Variants in CSNK2A1 observed in about 807,000 individuals in gnomAD.
CSNK2A1 encodes casein kinase 2 alpha 1, also known as casein kinase II subunit alpha.
In CSNK2A1, 10 loss-of-function variants were observed where a neutral mutation model predicts 62.9. The observed-to-expected ratio is 0.16, with a 90% CI of 0.10 to 0.27. The LOEUF (loss-of-function observed/expected upper bound fraction) is 0.27. Among genes scored for constraint, CSNK2A1 ranks in the 10% least tolerant of loss-of-function variants. The pLI, the probability that CSNK2A1 is intolerant of heterozygous loss-of-function variation, is 1.00. For missense variants in CSNK2A1, 160 were observed against 492.0 expected, an observed-to-expected ratio of 0.33 and a Z score of 6.38; for synonymous variants, 124 against 167.8, an observed-to-expected ratio of 0.74 and a Z score of 2.02.
At chr20:530,470 T>C (rs1428792936) in intron 1 of CSNK2A1, among the ~76,000 whole-genome samples, 3 of 143,792 alleles carry the variant, frequency 2.1e-5, no homozygotes, top group Non-Finnish European at 4.6e-5. Context: ...TTTTTTTCCT[T>C]TTTTTTTTTT....
At chr20:506,386 G>A (rs929356796) in intron 3 of CSNK2A1, 8 of 152,236 alleles carry the variant, frequency 5.3e-5, no homozygotes, top group Non-Finnish European at 7.3e-5. Context: ...TAGTCCATGC[G>A]TAGTACGAAG....
intron 1 of CSNK2A1, among the ~76,000 whole-genome samples, chr20:532,394 G>A (rs2019232582): frequency 6.7e-6 from 1 of 149,476 alleles, no homozygotes; most frequent in African/African-American, 2.5e-5. Flanking sequence ...GGCCAGGATG[G>A]TCTTGAACTC....
intron 9 of CSNK2A1, 28 bp downstream of exon 9, chr20:492,226 A>G (rs1568507644): frequency 6.3e-7 from 1 of 1,594,012 alleles, no homozygotes; most frequent in East Asian, 2.2e-5. Context: ...ACACAGGATC[A>G]AAACTGTGCC....
chr20:483,767 T>C lies in CSNK2A1; in HGVS notation c.*194A>G, dbSNP rs1462966961. On this transcript the variant is annotated 3_prime_UTR_variant, in exon 14 of 14. Transcript: ENST00000217244. The stretch of plus-strand genomic sequence containing the variant: ...CCCCTGAGTTATGAAAAGTTCGAGT[T>C]AAAAAAAAAAAGAAAAAAGAAAATC... 1 of 299,976 alleles carries C rather than the reference T, an allele frequency of 3.3e-6. No individual in the cohort carries two copies. The highest frequency in any genetic ancestry group is 5.9e-6 in the Non-Finnish European group (1 of 169,406). The allele number at this position is 299,976 out of a possible 1,614,324, so 18.6% of individuals were successfully genotyped here.
intron 2 of CSNK2A1, among the ~76,000 whole-genome samples, chr20:524,177 A>G (rs1225397373): frequency 1.3e-5 from 2 of 151,906 alleles, no homozygotes; most frequent in Non-Finnish European, 2.9e-5. Context: ...TAATCCCAGC[A>G]CTTTGGGAGG....
chr20:497,997 G>A lies in CSNK2A1; in HGVS notation c.367-217C>T, dbSNP rs115870507. 6.4e-3 allele frequency: 3,018 copies of A among 475,208 alleles called. 69 individuals are homozygous for A. Among genetic ancestry groups the A allele is most frequent in the African/African-American group, 0.053 (2,687 of 50,760 alleles). 29.4% of individuals were successfully genotyped at this position (475,208 alleles called of 1,614,324 possible). A position where few individuals can be genotyped will look rare whatever the true frequency, so the allele number is the denominator to read the frequency against. ...GAAGAATTACTTAAACATATATTGC[G>A]GAAGCTATAATCCACTGTCAGAAAC... On this transcript the variant is annotated intron_variant, in intron 6 of 13. Transcript: ENST00000217244.
intron 11 of CSNK2A1, 93 bp downstream of exon 11, chr20:488,585 C>T: frequency 7.7e-7 from 1 of 1,299,796 alleles, no homozygotes; most frequent in Non-Finnish European, 1.1e-6. Context: ...ACAGTGCTGG[C>T]AAAGAAAACA....
At position 473,354 on chromosome 20, in the gene CSNK2A1, G is replaced by C. The variant is rs981828699; in HGVS notation, c.*10607C>G. 1.3e-5 allele frequency: 2 copies of C among 152,532 alleles called. No homozygotes were observed. Among genetic ancestry groups the C allele is most frequent in the African/African-American group, 4.8e-5 (2 of 41,450 alleles). 9.4% of individuals were successfully genotyped at this position (152,532 alleles called of 1,614,324 possible). A position where few individuals can be genotyped will look rare whatever the true frequency, so the allele number is the denominator to read the frequency against. On this transcript the variant is annotated 3_prime_UTR_variant, in exon 14 of 14. Coordinates refer to ENST00000217244, the MANE Select transcript of CSNK2A1 (RefSeq NM_177559.3). ...CAGGCCCTTTGTGTCTCTGATTTTG[G>C]GGTTATGTCCTCCTTAGTGCTCCTG...
Position 499,170 on chromosome 20 carries a change from A to C in CSNK2A1, c.366+85T>G. On this transcript the variant is annotated intron_variant, in intron 6 of 13. Transcript: ENST00000217244. The surrounding 1 kb of genome is among the most constrained non-coding windows in gnomAD (Gnocchi z 4.2). ...GAAAAGCTTTTTAAAAACAAATGCG[A>C]AGCAAGCTCTTCTAACAGCATCATC... The C allele has an allele frequency of 2.5e-6, 3 of 1,199,266 alleles. No homozygotes were observed. Among genetic ancestry groups the C allele is most frequent in the Non-Finnish European group, 3.4e-6 (3 of 890,182 alleles). 74.3% of individuals were successfully genotyped at this position (1,199,266 alleles called of 1,614,324 possible). A position where few individuals can be genotyped will look rare whatever the true frequency, so the allele number is the denominator to read the frequency against.
chr20:543,745 G>A lies in CSNK2A1; in HGVS notation c.-300C>T. The A allele has an allele frequency of 2.5e-6, 1 of 398,476 alleles. No homozygotes were observed. Among genetic ancestry groups the A allele is most frequent in the East Asian group, 3.6e-5 (1 of 28,052 alleles). The allele number at this position is 398,476 out of a possible 1,614,324, so 24.7% of individuals were successfully genotyped here. On this transcript the variant is annotated 5_prime_UTR_variant, in exon 1 of 14. Coordinates refer to ENST00000217244, the MANE Select transcript of CSNK2A1 (RefSeq NM_177559.3). ...CAGACAATATGGCGGCGATGGAGGA[G>A]GAGACACACGGCTCGGCCGCCAGCC...
intron 13 of CSNK2A1, among the ~76,000 whole-genome samples, chr20:486,062 G>C (rs968373283): frequency 6.6e-6 from 1 of 151,918 alleles, no homozygotes; most frequent in African/African-American, 2.4e-5. Context: ...TGTTTCTAAG[G>C]GCCATGTAAC....
At chr20:524,793 A>G (rs1034473472) in intron 2 of CSNK2A1, among the ~76,000 whole-genome samples, 5 of 151,972 alleles carry the variant, frequency 3.3e-5, no homozygotes, top group Admixed American at 3.3e-4. Context: ...CTGAAACATC[A>G]CAATATATCC....
At chr20:503,518 G>T in intron 4 of CSNK2A1, 1 of 398,630 alleles carries the variant, frequency 2.5e-6, no homozygotes, top group South Asian at 1.3e-4. Flanking sequence ...TTTTGAGGAA[G>T]ACACATCAAC....
chr20:499,702 ATCTGAT>A lies in CSNK2A1; in HGVS notation c.315+125_315+130del. The A allele has an allele frequency of 3.7e-6, 3 of 814,210 alleles. No individual in the cohort carries two copies. The highest frequency in any genetic ancestry group is 4.1e-6 in the Non-Finnish European group (2 of 484,682). 50.4% of individuals were successfully genotyped at this position (814,210 alleles called of 1,614,324 possible). Reference sequence around the variant, plus strand: ...AAGACCCAAGCTAGTTAAATGGTATATCTGATTAAGCACTTTCAAAGCAGGACTTAA... The same window carrying A: ...AAGACCCAAGCTAGTTAAATGGTATATAAGCACTTTCAAAGCAGGACTTAA... On this transcript the variant is annotated intron_variant, in intron 5 of 13. Coordinates refer to ENST00000217244, the MANE Select transcript of CSNK2A1 (RefSeq NM_177559.3). The surrounding 1 kb of genome is among the most constrained non-coding windows in gnomAD (Gnocchi z 4.2).
chr20:524,611 T>C (rs1199486613), intron 2 of CSNK2A1, among the ~76,000 whole-genome samples: 1 of 130,904 alleles, frequency 7.6e-6, no homozygotes, highest in Non-Finnish European at 1.5e-5. Context: ...GTGCCTATAA[T>C]CCCAGCTACT....
Position 480,583 on chromosome 20 carries a change from G to A in CSNK2A1, c.*3378C>T, listed in dbSNP as rs1039567066. 2.6e-5 allele frequency: 4 copies of A among 152,130 alleles called. No homozygotes were observed. Among genetic ancestry groups the A allele is most frequent in the African/African-American group, 9.7e-5 (4 of 41,414 alleles). 9.4% of individuals were successfully genotyped at this position (152,130 alleles called of 1,614,324 possible). A position where few individuals can be genotyped will look rare whatever the true frequency, so the allele number is the denominator to read the frequency against. On this transcript the variant is annotated 3_prime_UTR_variant, in exon 14 of 14. Coordinates refer to ENST00000217244, the MANE Select transcript of CSNK2A1 (RefSeq NM_177559.3). Reference sequence around the variant, plus strand: ...TAAGTGATGACAGTGGGGGAAGTCGGATTCAGGATAAACCAATTTTAGACT... The same window carrying A: ...TAAGTGATGACAGTGGGGGAAGTCGAATTCAGGATAAACCAATTTTAGACT...
rs2017801115 is a variant in CSNK2A1, at chr20:473,968, G to T, written c.*9993C>A. ...CTGGGGCTCTGTCAACAAAGAGGAA[G>T]GGAGGAATGACTCCCTTGGGAGGAG... On this transcript the variant is annotated 3_prime_UTR_variant, in exon 14 of 14. Coordinates refer to ENST00000217244, the MANE Select transcript of CSNK2A1 (RefSeq NM_177559.3). The T allele has an allele frequency of 1.3e-5, 2 of 152,258 alleles. No individual in the cohort carries two copies. Among genetic ancestry groups the T allele is most frequent in the African/African-American group, 2.4e-5 (1 of 41,466 alleles). 9.4% of individuals were successfully genotyped at this position (152,258 alleles called of 1,614,324 possible).
chr20:490,269 T>C (rs1682412629), intron 9 of CSNK2A1, among the ~76,000 whole-genome samples: 1 of 148,386 alleles, frequency 6.7e-6, no homozygotes, highest in African/African-American at 2.5e-5. Flanking sequence ...CCTCATGATC[T>C]GCTCGCCTCA....
At chr20:520,500 A>G (rs867410832) in intron 2 of CSNK2A1, among the ~76,000 whole-genome samples, 33 of 152,038 alleles carry the variant, frequency 2.2e-4, no homozygotes, top group African/African-American at 7.5e-4. Context: ...ATATATAAAT[A>G]TATTATGTAT....
Sources: allele counts gnomAD v4.1 joint callset (sites outside exome capture counted in the v4.1 genomes callset), GRCh38; gene constraint gnomAD v4.1.1; non-coding constraint Gnocchi (gnomAD v3.1); transcripts MANE v1.5; gene names NCBI Gene and HGNC (gene_info 2026-07-23, HGNC 2026-07-21).